Variants in TMEM117 observed in about 807,000 individuals in gnomAD.
TMEM117 encodes transmembrane protein 117.
Under a neutral mutation model 52.4 loss-of-function variants are expected in TMEM117, and 27 were observed. The observed-to-expected ratio is 0.51, with a 90% CI of 0.38 to 0.71. TMEM117 has a LOEUF of 0.71. Among genes scored for constraint, TMEM117 ranks in the 30% least tolerant of loss-of-function variants. The probability of loss-of-function intolerance (pLI) is 0.00; values close to 1 mark genes in which losing one functional copy is unlikely to be tolerated. For missense variants in TMEM117, 556 were observed against 630.5 expected (o/e 0.88, Z 1.26); for synonymous variants, 215 against 206.3 (o/e 1.04, Z -0.36).
intron 3 of TMEM117, among the ~76,000 whole-genome samples, chr12:44,121,080 A>G (rs1456544432): frequency 6.6e-6 from 1 of 152,174 alleles, no homozygotes; most frequent in East Asian, 1.9e-4. Flanking sequence ...GAGCTTGTGC[A>G]GGGAAACTCC....
At chr12:43,913,022 G>A (rs1344053853) in intron 2 of TMEM117, among the ~76,000 whole-genome samples, 1 of 152,128 alleles carries the variant, frequency 6.6e-6, no homozygotes, top group African/African-American at 2.4e-5. Flanking sequence ...TTTGAGAAGT[G>A]GAATACTTTA....
intron 3 of TMEM117, among the ~76,000 whole-genome samples, chr12:43,945,767 A>G (rs1230313421): frequency 6.6e-6 from 1 of 152,186 alleles, no homozygotes; most frequent in African/African-American, 2.4e-5. Flanking sequence ...TCCCCAATAG[A>G]TCAGAAAGTT....
chr12:44,273,483 T>C (rs1950474537), intron 5 of TMEM117, among the ~76,000 whole-genome samples: 1 of 152,002 alleles, frequency 6.6e-6, no homozygotes, highest in Non-Finnish European at 1.5e-5. Flanking sequence ...AGTATTACCC[T>C]GACACCAAAA....
chr12:43,944,351 T>C lies in TMEM117; in HGVS notation c.410+9T>C. ...ATGGATGGGAACATGGGGTAGGTTTTCTTTCCCCTTTCTACTGTGGTGAGT... is the reference window on the plus strand; with the variant it reads ...ATGGATGGGAACATGGGGTAGGTTTCCTTTCCCCTTTCTACTGTGGTGAGT... On this transcript the variant is annotated intron_variant, in intron 3 of 7. Coordinates refer to ENST00000266534, the MANE Select transcript of TMEM117 (RefSeq NM_032256.3). The C allele has an allele frequency of 6.2e-7, 1 of 1,605,312 alleles. No individual in the cohort carries two copies. The highest frequency in any genetic ancestry group is 1.1e-5 in the South Asian group (1 of 89,488).
chr12:43,866,163 A>T (rs1025504378), intron 2 of TMEM117, among the ~76,000 whole-genome samples: 5 of 151,846 alleles, frequency 3.3e-5, no homozygotes, highest in Non-Finnish European at 7.3e-5. Context: ...AGCAGTCAGA[A>T]CTAAGGTCAC....
chr12:43,944,940 A>G (rs1031907364), intron 3 of TMEM117, among the ~76,000 whole-genome samples: 1 of 152,002 alleles, frequency 6.6e-6, no homozygotes, highest in Non-Finnish European at 1.5e-5. Context: ...GTGAAACTCC[A>G]TCTTTACTAA....
chr12:43,908,126 C>A (rs1944425715), intron 2 of TMEM117, among the ~76,000 whole-genome samples: 1 of 61,810 alleles, frequency 1.6e-5, no homozygotes, highest in Admixed American at 2.1e-4. Context: ...AAGGGAAGCC[C>A]ATCAGACTAA....
intron 3 of TMEM117, among the ~76,000 whole-genome samples, chr12:44,054,433 G>A (rs905210227): frequency 1.3e-5 from 2 of 152,050 alleles, no homozygotes; most frequent in Non-Finnish European, 1.5e-5. Flanking sequence ...ATGAACAATC[G>A]GTTTTGAAAT....
At chr12:43,832,511 T>G (rs965616031), upstream of TMEM117, among the ~76,000 whole-genome samples, 1 of 152,182 alleles carries the variant, frequency 6.6e-6, no homozygotes, top group Non-Finnish European at 1.5e-5. Context: ...ATCTAACATC[T>G]CACCACTTCA....
intron 7 of TMEM117, among the ~76,000 whole-genome samples, chr12:44,385,628 C>T (rs1486962724): frequency 5.3e-5 from 8 of 152,020 alleles, no homozygotes; most frequent in African/African-American, 9.7e-5. Context: ...TATAAGGAGA[C>T]GGTGATCAGT....
At chr12:43,883,766 A>AAAAAAAC (rs1555180644) in intron 2 of TMEM117, among the ~76,000 whole-genome samples, 1 of 151,494 alleles carries the variant, frequency 6.6e-6, no homozygotes, top group African/African-American at 2.4e-5. Flanking sequence ...AAAGACAAAA[A>AAAAAAAC]AAAAAACAAA....
intron 5 of TMEM117, among the ~76,000 whole-genome samples, chr12:44,213,354 G>C (rs1309534033): frequency 6.6e-6 from 1 of 152,062 alleles, no homozygotes; most frequent in East Asian, 1.9e-4. Context: ...TTCTTGTTTA[G>C]GTAGGGTGCT....
At chr12:44,295,625 T>A (rs1950758354) in intron 5 of TMEM117, among the ~76,000 whole-genome samples, 1 of 152,080 alleles carries the variant, frequency 6.6e-6, no homozygotes, top group African/African-American at 2.4e-5. Flanking sequence ...ATATTGTAGC[T>A]CTCTTTTGAA....
intron 2 of TMEM117, among the ~76,000 whole-genome samples, chr12:43,907,401 C>T (rs1302467678): frequency 7.3e-5 from 11 of 151,118 alleles, no homozygotes; most frequent in East Asian, 2.0e-4. Flanking sequence ...GGGGAAAAAA[C>T]AGAGCAGAAA....
chr12:44,106,703 T>G (rs1947960460), intron 3 of TMEM117, among the ~76,000 whole-genome samples: 1 of 148,738 alleles, frequency 6.7e-6, no homozygotes, highest in Non-Finnish European at 1.5e-5. Flanking sequence ...AAAATACATC[T>G]GAATCACAGA....
At chr12:44,167,431 G>A (rs1339375017) in intron 4 of TMEM117, among the ~76,000 whole-genome samples, 2 of 152,252 alleles carry the variant, frequency 1.3e-5, no homozygotes, top group East Asian at 3.9e-4. Context: ...CACTTTGGGA[G>A]GCCGAGGCGG....
chr12:44,047,113 G>A (rs891358476), intron 3 of TMEM117, among the ~76,000 whole-genome samples: 5 of 151,464 alleles, frequency 3.3e-5, no homozygotes, highest in Non-Finnish European at 7.4e-5. Context: ...TAATATTTTA[G>A]TGTATATATG....
intron 4 of TMEM117, among the ~76,000 whole-genome samples, chr12:44,166,023 A>G (rs1053532568): frequency 1.3e-5 from 2 of 152,208 alleles, no homozygotes; most frequent in Non-Finnish European, 2.9e-5. Context: ...CATGTCAACT[A>G]TCTTCTTGGC....
At chr12:44,351,893 C>T (rs1209220051) in intron 6 of TMEM117, among the ~76,000 whole-genome samples, 1 of 151,774 alleles carries the variant, frequency 6.6e-6, no homozygotes, top group African/African-American at 2.4e-5. Context: ...GATGAGGTTC[C>T]CATTCTCTAC....
Sources: allele counts gnomAD v4.1 joint callset (sites outside exome capture counted in the v4.1 genomes callset), GRCh38; gene constraint gnomAD v4.1.1; transcripts MANE v1.5; gene names NCBI Gene and HGNC (gene_info 2026-07-23, HGNC 2026-07-21).